Variants in TENM3 observed in about 807,000 individuals in gnomAD.
TENM3 encodes teneurin-3.
In TENM3, 63 loss-of-function variants were observed where a neutral mutation model predicts 255.1. The ratio of observed to expected loss-of-function variants is 0.25; its 90% confidence interval spans 0.20 to 0.30. TENM3 has a LOEUF of 0.30. Ranked by LOEUF, TENM3 falls within the 10% of genes least tolerant of loss-of-function variation. The pLI is 1.00. For missense variants in TENM3, 2,929 were observed against 3,461.1 expected (o/e 0.85, Z 3.86); for synonymous variants, 1,306 against 1,322.3 (o/e 0.99, Z 0.27).
chr4:182,487,759 A>T lies in TENM3; in HGVS notation c.512-113165A>T, dbSNP rs184209159. 3.9e-3 allele frequency among the ~76,000 whole-genome samples: 599 copies of T among 152,304 alleles called. 6 individuals are homozygous for T. Among genetic ancestry groups the T allele is most frequent in the African/African-American group, 0.014 (567 of 41,568 alleles). The stretch of plus-strand genomic sequence containing the variant: ...TAATCACATGATAGATGCTTGCGAT[A>T]TCTTTAAAATGAGACCTAAATAAAA... On this transcript the variant is annotated intron_variant, in intron 3 of 27. Transcript: ENST00000511685.
chr4:182,010,306 G>A, the TENM3 span, among the ~76,000 whole-genome samples: 1 of 152,108 alleles, frequency 6.6e-6, no homozygotes, highest in Non-Finnish European at 1.5e-5. Flanking sequence ...CCATCTGCAT[G>A]CATACATATA....
At chr4:181,496,041 A>C in the TENM3 span, among the ~76,000 whole-genome samples, 1 of 152,166 alleles carries the variant, frequency 6.6e-6, no homozygotes, top group African/African-American at 2.4e-5. Flanking sequence ...CACCTGCCAG[A>C]GCAAATGACC....
At chr4:182,402,844 CTAAAATAGGAGATTTATT>C (rs1769298842) in intron 3 of TENM3, among the ~76,000 whole-genome samples, 1 of 152,072 alleles carries the variant, frequency 6.6e-6, no homozygotes. Context: ...CAACTAAGCC[CTAAAATAGGAGATTTATT>C]TAAAACATAA....
chr4:181,463,688 G>A, the TENM3 span, among the ~76,000 whole-genome samples: 2 of 152,012 alleles, frequency 1.3e-5, no homozygotes, highest in Non-Finnish European at 2.9e-5. Context: ...TTTTGAAGTG[G>A]ACAATTCAAT....
chr4:182,070,195 G>T, the TENM3 span, among the ~76,000 whole-genome samples: 1 of 152,158 alleles, frequency 6.6e-6, no homozygotes, highest in South Asian at 2.1e-4. Context: ...CATTAGTTAT[G>T]CTCATGTCCA....
At chr4:181,516,966 C>T in the TENM3 span, among the ~76,000 whole-genome samples, 4 of 152,112 alleles carry the variant, frequency 2.6e-5, no homozygotes, top group Non-Finnish European at 4.4e-5. Flanking sequence ...ATCTCTGCAG[C>T]CTGATTCCAG....
At chr4:181,626,224 C>A in the TENM3 span, among the ~76,000 whole-genome samples, 7 of 152,024 alleles carry the variant, frequency 4.6e-5, no homozygotes, top group Non-Finnish European at 2.9e-5. Context: ...CATGAAGGCC[C>A]TCATGCAGGA....
At chr4:181,559,480 AC>A in the TENM3 span, among the ~76,000 whole-genome samples, 1 of 152,184 alleles carries the variant, frequency 6.6e-6, no homozygotes, top group African/African-American at 2.4e-5. Context: ...TATTCCAGTC[AC>A]TATTTTTGTG....
At chr4:181,723,537 C>G in the TENM3 span, among the ~76,000 whole-genome samples, 1 of 151,980 alleles carries the variant, frequency 6.6e-6, no homozygotes, top group Non-Finnish European at 1.5e-5. Flanking sequence ...GTATAGAACT[C>G]TAAGTTGGAA....
intron 1 of TENM3, among the ~76,000 whole-genome samples, chr4:182,208,273 A>G (rs1176901421): frequency 6.6e-6 from 1 of 152,176 alleles, no homozygotes; most frequent in East Asian, 1.9e-4. Context: ...ATCTGAATGT[A>G]CCTTAACACG....
chr4:181,821,331 C>A, the TENM3 span, among the ~76,000 whole-genome samples: 1 of 152,184 alleles, frequency 6.6e-6, no homozygotes. Context: ...TGGAAGGAAA[C>A]AATCTCTTCC....
the TENM3 span, among the ~76,000 whole-genome samples, chr4:181,479,796 T>G: frequency 6.6e-6 from 1 of 152,170 alleles, no homozygotes; most frequent in Non-Finnish European, 1.5e-5. Context: ...TTCGAAGATG[T>G]CAGTTCAGTT....
chr4:182,422,134 T>A (rs966670805), intron 3 of TENM3, among the ~76,000 whole-genome samples: 1 of 152,238 alleles, frequency 6.6e-6, no homozygotes, highest in African/African-American at 2.4e-5. Context: ...TCTTGAAACA[T>A]CTCTGAAGCC....
intron 3 of TENM3, among the ~76,000 whole-genome samples, chr4:182,358,978 A>G (rs1202012321): frequency 2.6e-5 from 4 of 151,834 alleles, no homozygotes; most frequent in Admixed American, 2.0e-4. Flanking sequence ...TGAGATAATC[A>G]TGTGGTTTTT....
chr4:182,131,234 G>C, the TENM3 span, among the ~76,000 whole-genome samples: 2 of 152,118 alleles, frequency 1.3e-5, no homozygotes, highest in East Asian at 3.9e-4. Flanking sequence ...GTCCATACAT[G>C]TAAAATTAAT....
At chr4:182,634,072 A>C (rs896229305) in intron 5 of TENM3, among the ~76,000 whole-genome samples, 3 of 152,172 alleles carry the variant, frequency 2.0e-5, no homozygotes, top group Non-Finnish European at 2.9e-5. Flanking sequence ...CGTGCTTCTC[A>C]GACCACAATA....
intron 3 of TENM3, among the ~76,000 whole-genome samples, chr4:182,594,634 T>G (rs570971400): frequency 1.1e-4 from 16 of 152,100 alleles, no homozygotes; most frequent in African/African-American, 3.9e-4. Flanking sequence ...TGTTACTTTG[T>G]TTTTCCTCAT....
chr4:182,401,555 C>CT (rs1769215677), intron 3 of TENM3, among the ~76,000 whole-genome samples: 1 of 152,174 alleles, frequency 6.6e-6, no homozygotes, highest in Admixed American at 6.5e-5. Context: ...CACAAACCTC[C>CT]AGTCATTTCC....
chr4:182,057,889 T>C, the TENM3 span, among the ~76,000 whole-genome samples: 1 of 152,052 alleles, frequency 6.6e-6, no homozygotes. Context: ...CTGAGCATCT[T>C]TGTAAACCAA....
Sources: gnomAD v4.1 joint callset for allele counts (sites outside exome capture counted in the v4.1 genomes callset) on GRCh38, gnomAD v4.1.1 for gene constraint, MANE v1.5 for transcripts, NCBI Gene and HGNC (gene_info 2026-07-23, HGNC 2026-07-21) for gene names.